The following COL10A1 variants were observed in gnomAD, a reference collection of about 807,000 sequenced individuals.
COL10A1 encodes collagen alpha-1(X) chain.
A neutral mutation model predicts 18.2 loss-of-function variants in COL10A1; 10 were observed. The ratio of observed to expected loss-of-function variants is 0.55; its 90% confidence interval spans 0.34 to 0.93. The LOEUF is 0.93. COL10A1 is among the 40% of genes least tolerant of loss of function. COL10A1 has a pLI of 0.02. For missense variants in COL10A1, 897 were observed against 853.5 expected, an observed-to-expected ratio of 1.05 and a Z score of -0.64; for synonymous variants, 330 against 316.6, an observed-to-expected ratio of 1.04 and a Z score of -0.45.
intron 1 of COL10A1, among the ~76,000 whole-genome samples, chr6:116,139,471 A>G (rs1335899550): frequency 6.6e-6 from 1 of 152,172 alleles, no homozygotes; most frequent in Non-Finnish European, 1.5e-5. Flanking sequence ...ATACCACAAA[A>G]TTCTTGTACA....
intron 1 of COL10A1, among the ~76,000 whole-genome samples, chr6:116,135,770 G>C (rs1779575181): frequency 7.2e-6 from 1 of 138,734 alleles, no homozygotes; most frequent in African/African-American, 2.7e-5. Flanking sequence ...TTTTTTTCTG[G>C]CTTTATTGAG....
intron 1 of COL10A1, chr6:116,145,302 T>C (rs1170261472): frequency 4.8e-6 from 1 of 208,338 alleles, no homozygotes; most frequent in East Asian, 1.1e-4. Context: ...TCCCTTATCA[T>C]ACGTTTTGTC....
intron 2 of COL10A1, 74 bp downstream of exon 2, chr6:116,125,265 G>T: frequency 6.5e-7 from 1 of 1,532,540 alleles, no homozygotes; most frequent in Non-Finnish European, 8.9e-7. Flanking sequence ...AATGCATTTT[G>T]TTAAAGAGAT....
At chr6:116,214,355 G>T in the COL10A1 span, among the ~76,000 whole-genome samples, 2 of 152,052 alleles carry the variant, frequency 1.3e-5, no homozygotes, top group African/African-American at 4.8e-5. Flanking sequence ...TACTTAAAAT[G>T]TTTTTAAACA....
chr6:116,197,973 G>A, the COL10A1 span, among the ~76,000 whole-genome samples: 1 of 152,038 alleles, frequency 6.6e-6, no homozygotes, highest in South Asian at 2.1e-4. Flanking sequence ...GTCATAGAGG[G>A]CAGTGGCAAT....
intron 1 of COL10A1, among the ~76,000 whole-genome samples, chr6:116,143,639 C>T (rs1428709402): frequency 2.0e-5 from 3 of 152,072 alleles, no homozygotes; most frequent in African/African-American, 7.3e-5. Context: ...GAGAGTGTGC[C>T]ATTTTTTATT....
At chr6:116,200,695 C>G in the COL10A1 span, among the ~76,000 whole-genome samples, 1 of 151,966 alleles carries the variant, frequency 6.6e-6, no homozygotes, top group East Asian at 1.9e-4. Flanking sequence ...CTCAACTTCT[C>G]TCTCTGGGTG....
the COL10A1 span, among the ~76,000 whole-genome samples, chr6:116,187,061 T>A: frequency 1.3e-5 from 2 of 152,034 alleles, no homozygotes; most frequent in Non-Finnish European, 2.9e-5. Flanking sequence ...GGGTGCTCCC[T>A]TGTTGTGGTG....
intron 2 of COL10A1, among the ~76,000 whole-genome samples, chr6:116,123,913 T>C (rs1487318098): frequency 6.6e-6 from 1 of 152,240 alleles, no homozygotes; most frequent in Non-Finnish European, 1.5e-5. Flanking sequence ...GTTATGCTCT[T>C]ATTAAGGTGT....
upstream of COL10A1, among the ~76,000 whole-genome samples, chr6:116,161,062 A>T (rs1189948764): frequency 2.6e-5 from 4 of 151,854 alleles, no homozygotes; most frequent in African/African-American, 9.7e-5. Context: ...GAAATTGGAA[A>T]TCATCATTCT....
Position 116,121,193 on chromosome 6 carries a change from CCCTT to C in COL10A1, c.919_922del (p.Lys307GlufsTer29). On this transcript the variant is annotated frameshift_variant, in exon 3 of 3. Transcript: ENST00000651968. LOFTEE classifies it high-confidence loss of function. ...AGGAAGGCCAGCAGGTCCTCTTTCT[CCCTT>C]CAGGCCTGGCAAGCCTGGTTTCCCA... is the stretch of plus-strand genomic sequence containing the variant. 1.9e-6 allele frequency: 3 copies of C among 1,613,450 alleles called. No individual in the cohort carries two copies. The highest frequency in any genetic ancestry group is 2.5e-6 in the Non-Finnish European group (3 of 1,179,744).
At chr6:116,211,427 A>G in the COL10A1 span, among the ~76,000 whole-genome samples, 12 of 152,120 alleles carry the variant, frequency 7.9e-5, no homozygotes, top group African/African-American at 2.9e-4. Context: ...AAAGTGTATC[A>G]TATATAAGAA....
At chr6:116,200,000 G>GGA in the COL10A1 span, among the ~76,000 whole-genome samples, 1 of 90,948 alleles carries the variant, frequency 1.1e-5, no homozygotes, top group African/African-American at 3.1e-5. Flanking sequence ...TATGGAAAGT[G>GGA]GGGGGGGAAG....
chr6:116,190,315 G>A, the COL10A1 span, among the ~76,000 whole-genome samples: 236 of 151,912 alleles, frequency 1.6e-3, 1 homozygote, highest in Admixed American at 4.3e-3. Flanking sequence ...CTTAAAAAAT[G>A]AGATTATTAC....
At chr6:116,217,065 A>G in the COL10A1 span, among the ~76,000 whole-genome samples, 1 of 152,196 alleles carries the variant, frequency 6.6e-6, no homozygotes, top group East Asian at 1.9e-4. Context: ...AATCATGCAA[A>G]CAGTAGTGAT....
At chr6:116,141,928 T>C (rs960206693) in intron 1 of COL10A1, among the ~76,000 whole-genome samples, 1 of 119,308 alleles carries the variant, frequency 8.4e-6, no homozygotes, top group African/African-American at 4.1e-5. Context: ...ACACACACAC[T>C]GTAAATGTGA....
At chr6:116,191,697 C>T in the COL10A1 span, among the ~76,000 whole-genome samples, 86 of 152,090 alleles carry the variant, frequency 5.7e-4, no homozygotes, top group African/African-American at 2.0e-3. Context: ...ATAACATTGT[C>T]TTTTTTGTGT....
At chr6:116,172,583 G>A in the COL10A1 span, among the ~76,000 whole-genome samples, 1 of 152,032 alleles carries the variant, frequency 6.6e-6, no homozygotes, top group Admixed American at 6.6e-5. Flanking sequence ...GCCTCCCAAA[G>A]TGCTGGGATT....
rs533687191 is a variant in COL10A1 at position 116,122,901 on chromosome 6, A to G, written c.155-940T>C. 3.1e-3 allele frequency among the ~76,000 whole-genome samples: 469 copies of G among 152,352 alleles called. 1 individual carries two copies. Among genetic ancestry groups the G allele is most frequent in the Non-Finnish European group, 5.0e-3 (342 of 68,030 alleles). On this transcript the variant is annotated intron_variant, in intron 2 of 2. Coordinates refer to ENST00000651968, the MANE Select transcript of COL10A1 (RefSeq NM_000493.4). ...CATAGAGCTTTCCCCATGGATTTTC[A>G]GAAAATGACATCAGGAAAAAGACTG...
Sources: gnomAD v4.1 joint callset for allele counts (sites outside exome capture counted in the v4.1 genomes callset) on GRCh38, gnomAD v4.1.1 for gene constraint, MANE v1.5 for transcripts, NCBI Gene and HGNC (gene_info 2026-07-23, HGNC 2026-07-21) for gene names.